Variants in PASD1 observed in about 807,000 individuals in gnomAD.
PASD1 encodes PAS domain containing repressor 1.
PASD1 carries 13 observed loss-of-function variants against 58.8 expected under a neutral mutation model. The ratio of observed to expected loss-of-function variants is 0.22; its 90% CI spans 0.14 to 0.35. The LOEUF (loss-of-function observed/expected upper bound fraction) is 0.35, where lower values mean the gene tolerates loss of function less well. Ranked by LOEUF, PASD1 falls within the 10% of genes least tolerant of loss-of-function variation. The probability of loss-of-function intolerance (pLI) is 1.00; values close to 1 mark genes in which losing one functional copy is unlikely to be tolerated. For synonymous variants in PASD1, 236 were observed against 216.7 expected, an observed-to-expected ratio of 1.09 and a Z score of -0.78; for missense variants, 734 against 568.3, an observed-to-expected ratio of 1.29 and a Z score of -2.96.
rs201718557 is a variant in PASD1, at chrX:151,672,235, G to A, written c.1490G>A (p.Arg497Gln). 1.4e-4 allele frequency: 161 copies of A among 1,137,685 alleles called. No homozygotes were observed. Among genetic ancestry groups the A allele is most frequent in the Non-Finnish European group, 1.4e-4 (123 of 850,642 alleles). 93.8% of individuals were successfully genotyped at this position (1,137,685 alleles called of 1,213,427 possible). A position where few individuals can be genotyped will look rare whatever the true frequency, so the allele number is the denominator to read the frequency against. ...CTGAAGGAGCAGCAGCGGCAGCTGC[G>A]GGAGCAGCTGCAACAGCTGAGAGAG... ...QHLKEQQRQL[R>Q]EQLQQLREQR... The change falls in exon 14 of 16, where the codon CGG becomes CAG. Residue 497 changes from arginine to glutamine, a missense_variant. Physicochemically the swap from Arg to Gln is conservative, Grantham distance 43. Coordinates refer to ENST00000370357, the MANE Select transcript of PASD1 (RefSeq NM_173493.3).
intron 8 of PASD1, among the ~76,000 whole-genome samples, chrX:151,630,040 A>G (rs1314219381): frequency 1.8e-5 from 2 of 111,494 alleles, no homozygotes; most frequent in Non-Finnish European, 3.8e-5. Context: ...TTTGTAAGAA[A>G]TTATGACTCA....
At chrX:151,662,752 T>C (rs1324444636) in intron 10 of PASD1, among the ~76,000 whole-genome samples, 1 of 112,326 alleles carries the variant, frequency 8.9e-6, no homozygotes, top group Non-Finnish European at 1.9e-5. Flanking sequence ...GAAATCTGGC[T>C]TTCATTATCT....
intron 5 of PASD1, among the ~76,000 whole-genome samples, chrX:151,621,241 T>C (rs1302339890): frequency 9.0e-6 from 1 of 111,699 alleles, no homozygotes; most frequent in Non-Finnish European, 1.9e-5. Flanking sequence ...CTGAGTATTG[T>C]AGCATTTGTA....
chrX:151,640,486 C>T (rs956218674), intron 8 of PASD1, among the ~76,000 whole-genome samples: 42 of 111,921 alleles, frequency 3.8e-4, no homozygotes, highest in Non-Finnish European at 9.4e-5. Flanking sequence ...AAACCCTGTC[C>T]TCTTTGAGTG....
intron 1 of PASD1, among the ~76,000 whole-genome samples, chrX:151,576,677 ATG>A (rs768029358): frequency 4.8e-4 from 53 of 110,565 alleles, no homozygotes; most frequent in Admixed American, 1.8e-3. Context: ...GTGTGTGTGT[ATG>A]TGTGTGTGTG....
intron 6 of PASD1, among the ~76,000 whole-genome samples, chrX:151,622,178 G>A (rs1040466236): frequency 1.8e-5 from 2 of 111,095 alleles, no homozygotes; most frequent in Non-Finnish European, 3.8e-5. Flanking sequence ...TTTTTGTCGC[G>A]TGTGGATATA....
intron 10 of PASD1, among the ~76,000 whole-genome samples, chrX:151,661,575 G>T (rs1301742955): frequency 1.8e-5 from 2 of 112,417 alleles, no homozygotes; most frequent in East Asian, 5.6e-4. Context: ...CATAACCACA[G>T]TACAGCTGGC....
intron 1 of PASD1, among the ~76,000 whole-genome samples, chrX:151,574,783 G>T (rs1390006814): frequency 1.8e-5 from 2 of 112,022 alleles, no homozygotes; most frequent in Admixed American, 1.9e-4. Context: ...TCTGTTAAAA[G>T]AAGTTTTTGA....
chrX:151,641,581 T>C (rs1217173133), intron 8 of PASD1, among the ~76,000 whole-genome samples: 2 of 111,441 alleles, frequency 1.8e-5, no homozygotes, highest in Non-Finnish European at 3.8e-5. Context: ...TCCATATCTG[T>C]GTCTCGTACA....
intron 7 of PASD1, among the ~76,000 whole-genome samples, chrX:151,623,467 C>CTTTGTG (rs1182855247): frequency 1.8e-5 from 2 of 111,753 alleles, no homozygotes; most frequent in African/African-American, 6.5e-5. Flanking sequence ...CTTCTGCTCT[C>CTTTGTG]TTTGTGTTCT....
At chrX:151,639,924 T>C (rs2013977661) in intron 8 of PASD1, among the ~76,000 whole-genome samples, 1 of 112,112 alleles carries the variant, frequency 8.9e-6, no homozygotes, top group African/African-American at 3.2e-5. Context: ...TCAAATCATA[T>C]CTCATATTTG....
intron 10 of PASD1, among the ~76,000 whole-genome samples, chrX:151,663,002 T>A (rs1383885064): frequency 8.9e-6 from 1 of 112,223 alleles, no homozygotes; most frequent in Admixed American, 9.5e-5. Flanking sequence ...TAGAATTAGA[T>A]TCATTTGTTA....
chrX:151,589,145 G>T (rs2013211834), intron 1 of PASD1, among the ~76,000 whole-genome samples: 1 of 111,629 alleles, frequency 9.0e-6, no homozygotes, highest in Non-Finnish European at 1.9e-5. Flanking sequence ...GGGCTGCTGT[G>T]TGTTATTGGG....
At chrX:151,631,902 G>A (rs2013873806) in intron 8 of PASD1, among the ~76,000 whole-genome samples, 1 of 111,767 alleles carries the variant, frequency 8.9e-6, no homozygotes, top group Non-Finnish European at 1.9e-5. Context: ...TTGTAAATGT[G>A]GCTAGCATGC....
intron 9 of PASD1, among the ~76,000 whole-genome samples, chrX:151,649,638 T>C (rs2014106480): frequency 8.9e-6 from 1 of 112,305 alleles, no homozygotes; most frequent in African/African-American, 3.2e-5. Context: ...ATATCCCCAG[T>C]ATTTTGAACA....
intron 9 of PASD1, among the ~76,000 whole-genome samples, chrX:151,654,599 A>G (rs2014212320): frequency 8.9e-6 from 1 of 112,273 alleles, no homozygotes; most frequent in Admixed American, 9.4e-5. Context: ...GGAAGAAGGA[A>G]TGATGAACAA....
At chrX:151,638,008 A>G (rs1231401221) in intron 8 of PASD1, among the ~76,000 whole-genome samples, 1 of 111,267 alleles carries the variant, frequency 9.0e-6, no homozygotes, top group African/African-American at 3.3e-5. Flanking sequence ...TCTAATATTA[A>G]TTTTGCAAAG....
chrX:151,614,434 A>G (rs2013612783), intron 4 of PASD1, among the ~76,000 whole-genome samples: 1 of 111,869 alleles, frequency 8.9e-6, no homozygotes, highest in African/African-American at 3.3e-5. Flanking sequence ...AGGCCTTCAT[A>G]TTCCACTTAT....
chrX:151,604,606 A>C (rs1167287901), intron 2 of PASD1, 40 bp from the exon 3 acceptor site: 1 of 996,669 alleles, frequency 1.0e-6, no homozygotes, highest in South Asian at 2.0e-5. Context: ...AATCATTTTA[A>C]TGTGACACTG....
Sources: allele counts gnomAD v4.1 joint callset (sites outside exome capture counted in the v4.1 genomes callset), GRCh38; gene constraint gnomAD v4.1.1; transcripts MANE v1.5; gene names NCBI Gene and HGNC (gene_info 2026-07-23, HGNC 2026-07-21).